Variants in RYR2 observed in about 807,000 individuals in gnomAD.
RYR2 encodes the protein ryanodine receptor 2.
RYR2 carries 227 observed loss-of-function variants against 601.1 expected under a neutral mutation model. That is an observed-to-expected ratio of 0.38 (90% CI 0.34 to 0.42). The LOEUF is 0.42. Among genes scored for constraint, RYR2 ranks in the 10% least tolerant of loss-of-function variants. The pLI, the probability that RYR2 is intolerant of heterozygous loss-of-function variation, is 1.00. For missense variants in RYR2, 4,646 were observed against 6,156.5 expected (o/e 0.75, Z 8.21); for synonymous variants, 2,223 against 2,175.1 (o/e 1.02, Z -0.61).
intron 25 of RYR2, among the ~76,000 whole-genome samples, chr1:237,542,366 T>A (rs1415390664): frequency 2.6e-5 from 4 of 152,168 alleles, no homozygotes; most frequent in African/African-American, 9.7e-5. Context: ...TATTATTAGT[T>A]CCTAGAATAG....
rs770431899 is a variant in RYR2, at chr1:237,500,880, C to A, written c.2373C>A (p.Val791=). 3 of 1,613,966 alleles carry A rather than the reference C, an allele frequency of 1.9e-6. No homozygotes were observed. The highest frequency in any genetic ancestry group is 3.3e-5 in the Admixed American group (2 of 60,018). The change falls in exon 21 of 105, where the codon GTC becomes GTA. Residue 791 remains valine (V), a synonymous_variant. Transcript: ENST00000366574. ...NFNIDGLFFP[V]VSFSAGIKVR... is the part of the protein sequence containing the mutation. ...ACATCGATGGCCTCTTCTTTCCAGT[C>A]GTTAGTTTCTCTGCAGGAATAAAGT...
rs913709084 is a variant in RYR2, at chr1:237,109,258, A to G, written c.48+66689A>G. On this transcript the variant is annotated intron_variant, in intron 1 of 104. Transcript: ENST00000366574. The stretch of plus-strand genomic sequence containing the variant: ...AAATAATTACAGTCATAGGTTGCAA[A>G]GAAAAATGTACAGGGAAGTCCCATG... Among the ~76,000 whole-genome samples, 9 of 152,056 alleles carry G rather than the reference A, an allele frequency of 5.9e-5. No individual in the cohort carries two copies. The East Asian group carries it at 1.7e-3, about 29-fold the overall frequency.
At chr1:237,556,895 A>C (rs1670954983) in intron 27 of RYR2, among the ~76,000 whole-genome samples, 2 of 138,228 alleles carry the variant, frequency 1.4e-5, no homozygotes, top group South Asian at 2.3e-4. Context: ...AAAAAAAAAA[A>C]AAAAAAAAAA....
chr1:237,429,045 C>T (rs1262574146), intron 12 of RYR2, among the ~76,000 whole-genome samples: 1 of 152,076 alleles, frequency 6.6e-6, no homozygotes, highest in South Asian at 2.1e-4. Flanking sequence ...TATTGCAGGG[C>T]TGACTTGAGC....
chr1:237,472,707 A>G lies in RYR2; in HGVS notation c.1708+3520A>G, dbSNP rs1406762730. Among the ~76,000 whole-genome samples the G allele has an allele frequency of 2.0e-5, 3 of 152,008 alleles. No homozygotes were observed. In the East Asian group the frequency reaches 5.8e-4, roughly 29 times the overall value. ...GTAAAAAAAAAAAAGTGAAGATGAAAGTAGAAAGAAATAAATGAAAAGAGG... is the reference window on the plus strand; with the variant it reads ...GTAAAAAAAAAAAAGTGAAGATGAAGGTAGAAAGAAATAAATGAAAAGAGG... On this transcript the variant is annotated intron_variant, in intron 17 of 104. Coordinates refer to ENST00000366574, the MANE Select transcript of RYR2 (RefSeq NM_001035.3).
rs1020953696 is a variant in RYR2, at chr1:237,794,850, C to T, written c.13914-439C>T. On this transcript the variant is annotated intron_variant, in intron 95 of 104. Coordinates refer to ENST00000366574, the MANE Select transcript of RYR2 (RefSeq NM_001035.3). ...CAAACTCTCTATGTATTAGTGAAGA[C>T]GCTAGAGTTGTGCTTTGCTGCTATG... 5.3e-5 allele frequency among the ~76,000 whole-genome samples: 8 copies of T among 152,138 alleles called. 1 individual carries two copies. The South Asian group carries it at 8.3e-4, about 16-fold the overall frequency.
chr1:237,536,873 G>A (rs531539973), intron 25 of RYR2, among the ~76,000 whole-genome samples: 16 of 149,068 alleles, frequency 1.1e-4, no homozygotes, highest in East Asian at 3.9e-4. Flanking sequence ...GCGACAGAGC[G>A]AGACTCCATC....
chr1:237,231,941 T>A (rs748848464), intron 1 of RYR2, among the ~76,000 whole-genome samples: 1 of 152,214 alleles, frequency 6.6e-6, no homozygotes. Flanking sequence ...ATTGCTGTAA[T>A]GTGTAGGTGG....
intron 66 of RYR2, among the ~76,000 whole-genome samples, chr1:237,702,320 T>C (rs755240564): frequency 1.7e-4 from 26 of 152,184 alleles, no homozygotes; most frequent in Non-Finnish European, 3.4e-4. Context: ...AGTGTTTGAG[T>C]CTTATGAAAG....
chr1:237,089,775 G>A (rs1327753249), intron 1 of RYR2, among the ~76,000 whole-genome samples: 1 of 152,188 alleles, frequency 6.6e-6, no homozygotes, highest in African/African-American at 2.4e-5. Context: ...TTCAGTTGGT[G>A]GGAGTATATA....
chr1:237,668,047 A>C (rs1160860357), intron 58 of RYR2, 89 bp downstream of exon 58: 1 of 1,000,100 alleles, frequency 1.0e-6, no homozygotes, highest in East Asian at 2.8e-5. Context: ...ACAACAGCTT[A>C]TTATAACTTT....
intron 97 of RYR2, 115 bp from the exon 98 acceptor site, chr1:237,801,741 C>T: frequency 3.6e-6 from 2 of 561,090 alleles, no homozygotes; most frequent in Non-Finnish European, 6.3e-6. Context: ...AACTCGTTTC[C>T]CAAGAAGGTG....
chr1:237,577,541 TGTGTGTGTTTGA>T (rs1454145980), intron 29 of RYR2, among the ~76,000 whole-genome samples: 1 of 73,848 alleles, frequency 1.4e-5, no homozygotes, highest in Admixed American at 1.7e-4. Context: ...TGTGTGCGTG[TGTGTGTGTTTGA>T]GAGAGAGAGA....
In RYR2 at chr1:237,794,084, A is replaced by G. The variant is rs548013761; in HGVS notation, c.13913+87A>G. The G allele has an allele frequency of 3.2e-4, 365 of 1,151,132 alleles. 6 individuals carry two copies. In the South Asian group the frequency reaches 4.4e-3, roughly 14 times the overall value. The allele number at this position is 1,151,132 out of a possible 1,614,324, so 71.3% of individuals were successfully genotyped here. A position where few individuals can be genotyped will look rare whatever the true frequency, so the allele number is the denominator to read the frequency against. ...TTGGAGTTCCTGCAGATTTGTCAAA[A>G]GTTTAGCAGAGGTGAATAATAGTTA... is the stretch of plus-strand genomic sequence containing the variant. On this transcript the variant is annotated intron_variant, in intron 95 of 104. Coordinates refer to ENST00000366574, the MANE Select transcript of RYR2 (RefSeq NM_001035.3).
chr1:237,110,862 A>G (rs553889026), intron 1 of RYR2, among the ~76,000 whole-genome samples: 1 of 152,218 alleles, frequency 6.6e-6, no homozygotes, highest in Non-Finnish European at 1.5e-5. Context: ...GGGACCAGCC[A>G]CTTTGCTGCA....
At chr1:237,400,222 A>G (rs1343728222) in intron 10 of RYR2, among the ~76,000 whole-genome samples, 1 of 152,244 alleles carries the variant, frequency 6.6e-6, no homozygotes, top group Non-Finnish European at 1.5e-5. Context: ...GCACATGACC[A>G]GAGTGATCTC....
intron 1 of RYR2, among the ~76,000 whole-genome samples, chr1:237,191,503 C>T (rs190421252): frequency 8.0e-5 from 12 of 149,944 alleles, no homozygotes; most frequent in Admixed American, 3.3e-4. Context: ...TAGATTTTAT[C>T]GGGAAGAAGC....
In RYR2 at chr1:237,797,424, G is replaced by C. The variant is rs143029270; in HGVS notation, c.13957-613G>C. 1.4e-3 allele frequency among the ~76,000 whole-genome samples: 206 copies of C among 152,302 alleles called. 1 individual carries two copies. Among genetic ancestry groups the C allele is most frequent in the African/African-American group, 4.7e-3 (197 of 41,566 alleles). On this transcript the variant is annotated intron_variant, in intron 96 of 104. Coordinates refer to ENST00000366574, the MANE Select transcript of RYR2 (RefSeq NM_001035.3). ...GATACTCAGGGGAGTGGGTTAGAAA[G>C]ATGGGCATTGTGGCCAGAGAGTTGA...
Position 237,639,086 on chromosome 1 carries a change from G to T in RYR2, c.7000G>T (p.Ala2334Ser). ...TCGGAGGCCTGAGTGTTTTGGTCCT[G>T]CTTTGAGAGGAGAAGGTGGGAATGG... is the stretch of plus-strand genomic sequence containing the variant. Reference protein sequence around the residue: ...LIRRPECFGPALRGEGGNGLL... With the variant: ...LIRRPECFGPSLRGEGGNGLL... The change falls in exon 46 of 105, where the codon GCT becomes TCT. Residue 2334 changes from alanine (A) to serine (S), a missense_variant. Physicochemically the swap from Ala to Ser is moderately conservative, Grantham distance 99. Coordinates refer to ENST00000366574, the MANE Select transcript of RYR2 (RefSeq NM_001035.3). The T allele has an allele frequency of 6.2e-7, 1 of 1,613,926 alleles. No individual in the cohort carries two copies. Among genetic ancestry groups the T allele is most frequent in the South Asian group, 1.1e-5 (1 of 91,068 alleles).
Sources: allele counts gnomAD v4.1 joint callset (sites outside exome capture counted in the v4.1 genomes callset), GRCh38; gene constraint gnomAD v4.1.1; transcripts MANE v1.5; gene names NCBI Gene and HGNC (gene_info 2026-07-23, HGNC 2026-07-21).